Variants in NAV2 observed in about 807,000 individuals in gnomAD.
The protein encoded by NAV2 is neuron navigator 2.
NAV2 carries 54 observed loss-of-function variants against 223.2 expected under a neutral mutation model. The ratio of observed to expected loss-of-function variants is 0.24; its 90% CI spans 0.19 to 0.30. The LOEUF (loss-of-function observed/expected upper bound fraction) is 0.30, where lower values mean the gene tolerates loss of function less well. NAV2 is among the 10% of genes least tolerant of loss of function. NAV2 has a pLI of 1.00. For missense variants in NAV2, 2,806 were observed against 3,147.5 expected (o/e 0.89, Z 2.60); for synonymous variants, 1,279 against 1,239.3 (o/e 1.03, Z -0.67).
At chr11:19,427,876 G>T (rs1028792538) in intron 1 of NAV2, among the ~76,000 whole-genome samples, 2 of 151,958 alleles carry the variant, frequency 1.3e-5, no homozygotes, top group East Asian at 3.9e-4. Flanking sequence ...TGTACTTATT[G>T]ATTTCTTAAA....
intron 1 of NAV2, among the ~76,000 whole-genome samples, chr11:19,607,328 A>G (rs1179480087): frequency 1.3e-5 from 2 of 152,220 alleles, no homozygotes; most frequent in African/African-American, 4.8e-5. Flanking sequence ...ATTGGTCTCT[A>G]GCTGCCCTGT....
At chr11:19,679,684 C>T (rs2048824188) in intron 1 of NAV2, among the ~76,000 whole-genome samples, 1 of 152,142 alleles carries the variant, frequency 6.6e-6, no homozygotes, top group Non-Finnish European at 1.5e-5. Context: ...TGGGACACCC[C>T]GGCTGTGTTC....
At chr11:19,398,378 C>T (rs1849550912) in intron 1 of NAV2, among the ~76,000 whole-genome samples, 1 of 152,132 alleles carries the variant, frequency 6.6e-6, no homozygotes, top group African/African-American at 2.4e-5. Context: ...CAATCACCTC[C>T]CACCAGGCCC....
intron 1 of NAV2, among the ~76,000 whole-genome samples, chr11:19,464,242 A>G (rs576630107): frequency 1.3e-4 from 20 of 151,930 alleles, no homozygotes; most frequent in African/African-American, 4.3e-4. Flanking sequence ...TGCTTTAAAA[A>G]CCTGTCTTTC....
At chr11:19,935,181 A>AT in intron 7 of NAV2, among the ~76,000 whole-genome samples, 1 of 152,350 alleles carries the variant, frequency 6.6e-6, no homozygotes, top group African/African-American at 2.4e-5. Context: ...ACAGTGCCTG[A>AT]TTCGATCCTG....
In NAV2 at chr11:20,074,231, A is replaced by G. The variant is rs570396354; in HGVS notation, c.4984-3321A>G. ...GGAGCAGGTTGTTCAGTTTCCATGT[A>G]GTTGTGTGGTTTTGAGTGAGTTTCT... On this transcript the variant is annotated intron_variant, in intron 22 of 37. Coordinates refer to ENST00000349880, the MANE Select transcript of NAV2 (RefSeq NM_145117.5). Among the ~76,000 whole-genome samples the G allele has an allele frequency of 2.6e-5, 4 of 152,154 alleles. No homozygotes were observed. The East Asian group carries it at 7.7e-4, about 29-fold the overall frequency.
intron 1 of NAV2, among the ~76,000 whole-genome samples, chr11:19,656,702 C>T (rs2135701847): frequency 6.6e-6 from 1 of 152,280 alleles, no homozygotes; most frequent in Middle Eastern, 3.4e-3. Context: ...ATGGCCCCAG[C>T]CCAGACCCAC....
intron 8 of NAV2, among the ~76,000 whole-genome samples, chr11:19,942,457 T>C (rs2046481287): frequency 6.6e-6 from 1 of 152,244 alleles, no homozygotes; most frequent in Non-Finnish European, 1.5e-5. Flanking sequence ...GAGGTTTTTA[T>C]GTCCACTTTA....
At chr11:19,622,903 C>T (rs935217925) in intron 1 of NAV2, among the ~76,000 whole-genome samples, 4 of 152,054 alleles carry the variant, frequency 2.6e-5, no homozygotes, top group Non-Finnish European at 4.4e-5. Flanking sequence ...TGGTGGGTAC[C>T]GGTTGTTCCT....
In NAV2 at chr11:20,045,037, C is replaced by G. The variant is rs2057306987; in HGVS notation, c.3269C>G (p.Ser1090Cys). Residue 1090 changes from serine to cysteine, a missense_variant, in exon 14 of 38, where the codon TCC becomes TGC. By Grantham distance (112) the Ser-to-Cys change is moderately radical. Transcript: ENST00000349880. Reference sequence around the variant, plus strand: ...CCTAAAGCCTCCCAGGTGAAGCGCTCCCCATCAGATGCAGGCCGGAGCAGT... The same window carrying G: ...CCTAAAGCCTCCCAGGTGAAGCGCTGCCCATCAGATGCAGGCCGGAGCAGT... ...LSPKASQVKR[S>C]PSDAGRSSGD... The G allele has an allele frequency of 6.2e-7, 1 of 1,614,088 alleles. No homozygotes were observed. The highest frequency in any genetic ancestry group is 8.5e-7 in the Non-Finnish European group (1 of 1,180,012).
In NAV2 at chr11:20,045,498, G is replaced by C; in HGVS notation, c.3730G>C (p.Gly1244Arg). ...AACAGCCCTAGGCAGCTCTCTACCA[G>C]GTCTGGTCAACCAAACAGACAAGGA... ...SKTALGSSLP[G>R]LVNQTDKEKG... Residue 1244 changes from glycine (G) to arginine (R), a missense_variant, in exon 14 of 38, where the codon GGT becomes CGT. Gly to Arg is a moderately radical substitution (Grantham distance 125). Coordinates refer to ENST00000349880, the MANE Select transcript of NAV2 (RefSeq NM_145117.5). 1 of 1,614,146 alleles carries C rather than the reference G, an allele frequency of 6.2e-7. No homozygotes were observed. Among genetic ancestry groups the C allele is most frequent in the Non-Finnish European group, 8.5e-7 (1 of 1,180,014 alleles).
intron 10 of NAV2, among the ~76,000 whole-genome samples, chr11:19,955,297 G>A (rs2047754835): frequency 6.6e-6 from 1 of 152,020 alleles, no homozygotes; most frequent in African/African-American, 2.4e-5. Flanking sequence ...AGCTGAGGTG[G>A]AAGTATCACT....
chr11:20,002,401 C>T (rs1000143933), intron 11 of NAV2, among the ~76,000 whole-genome samples: 6 of 152,062 alleles, frequency 3.9e-5, no homozygotes, highest in Admixed American at 1.3e-4. Context: ...GAGATCAGGT[C>T]GTGAGCGACT....
Position 19,974,461 on chromosome 11 carries a change from C to G in NAV2, c.2646-9664C>G, listed in dbSNP as rs535963089. ...TAATAATGTATTAATATTGGTTCAT[C>G]AGTTGCAACAATGAACCACACTAAT... On this transcript the variant is annotated intron_variant, in intron 10 of 37. Coordinates refer to ENST00000349880, the MANE Select transcript of NAV2 (RefSeq NM_145117.5). Among the ~76,000 whole-genome samples, 5 of 152,270 alleles carry G rather than the reference C, an allele frequency of 3.3e-5. No homozygotes were observed. The South Asian group carries it at 8.3e-4, about 25-fold the overall frequency.
intron 1 of NAV2, among the ~76,000 whole-genome samples, chr11:19,558,494 G>A (rs1404777494): frequency 2.0e-5 from 3 of 152,226 alleles, no homozygotes; most frequent in Admixed American, 2.0e-4. Context: ...GAGACCCAGA[G>A]CCAACAAACA....
At chr11:19,708,757 T>A (rs2049756753), upstream of NAV2, among the ~76,000 whole-genome samples, 1 of 152,124 alleles carries the variant, frequency 6.6e-6, no homozygotes. Context: ...GCTTTGATAA[T>A]ACGTTTCAAT....
At chr11:20,080,667 CTT>C (rs2060034950) in intron 25 of NAV2, among the ~76,000 whole-genome samples, 1 of 152,192 alleles carries the variant, frequency 6.6e-6, no homozygotes, top group African/African-American at 2.4e-5. Context: ...CCAACCCTCT[CTT>C]TGAAAACTTT....
chr11:19,713,591 G>T lies in NAV2; in HGVS notation c.-105G>T. The T allele has an allele frequency of 4.2e-6, 6 of 1,413,988 alleles. No homozygotes were observed. The South Asian group carries it at 1.0e-4, about 24-fold the overall frequency. 87.6% of individuals were successfully genotyped at this position (1,413,988 alleles called of 1,614,324 possible). A position where few individuals can be genotyped will look rare whatever the true frequency, so the allele number is the denominator to read the frequency against. On this transcript the variant is annotated 5_prime_UTR_variant, in exon 1 of 38. Transcript: ENST00000349880. This position sits in a 1 kb window ranked among gnomAD's most constrained non-coding sequence, Gnocchi z 7.2. ...TTTAGCCGCTGGTGGTGGGCGCCTC[G>T]TGGGCTAAGGCCCGGCGCCTGCTCT...
At chr11:19,348,575 C>T (rs1853125100), upstream of NAV2, among the ~76,000 whole-genome samples, 1 of 152,192 alleles carries the variant, frequency 6.6e-6, no homozygotes, top group Non-Finnish European at 1.5e-5. Flanking sequence ...CTAAACATCT[C>T]TATTTGAAGC....
Sources: gnomAD v4.1 joint callset for allele counts (sites outside exome capture counted in the v4.1 genomes callset) on GRCh38, gnomAD v4.1.1 for gene constraint, Gnocchi (gnomAD v3.1) non-coding constraint, MANE v1.5 for transcripts, NCBI Gene and HGNC (gene_info 2026-07-23, HGNC 2026-07-21) for gene names.